The following PIGL variants were observed in gnomAD, a reference collection of about 807,000 sequenced individuals.
The protein encoded by PIGL is phosphatidylinositol glycan anchor biosynthesis class L, also known as N-acetylglucosaminyl-phosphatidylinositol de-N-acetylase.
Under a neutral mutation model 31.1 loss-of-function variants are expected in PIGL, and 22 were observed. The observed-to-expected ratio is 0.71, with a 90% CI of 0.51 to 1.01. The LOEUF (loss-of-function observed/expected upper bound fraction) is 1.01. Among genes scored for constraint, PIGL ranks in the 50% least tolerant of loss-of-function variants. PIGL has a pLI of 0.00. For synonymous variants in PIGL, 131 were observed against 117.4 expected, an observed-to-expected ratio of 1.12 and a Z score of -0.75; for missense variants, 302 against 315.9, an observed-to-expected ratio of 0.96 and a Z score of 0.33.
chr17:16,263,696 T>A (rs1486829002), intron 2 of PIGL, among the ~76,000 whole-genome samples: 1 of 151,654 alleles, frequency 6.6e-6, no homozygotes, highest in Non-Finnish European at 1.5e-5. Flanking sequence ...CTAATTTTTG[T>A]ATTTTTAGTA....
chr17:16,238,343 T>C (rs1450602599), intron 2 of PIGL, among the ~76,000 whole-genome samples: 1 of 151,618 alleles, frequency 6.6e-6, no homozygotes, highest in Non-Finnish European at 1.5e-5. Context: ...TTAAGATAAT[T>C]CAGAAAAAAA....
At chr17:16,267,077 A>G (rs539088834) in intron 2 of PIGL, among the ~76,000 whole-genome samples, 28 of 152,332 alleles carry the variant, frequency 1.8e-4, no homozygotes, top group African/African-American at 6.5e-4. Context: ...CTGAAAATCT[A>G]CATAAAAGAT....
At chr17:16,231,148 G>A (rs1388580868) in intron 1 of PIGL, among the ~76,000 whole-genome samples, 4 of 143,376 alleles carry the variant, frequency 2.8e-5, no homozygotes, top group African/African-American at 1.0e-4. Context: ...GCCTTAAACA[G>A]TGTGCCCGCC....
At chr17:16,256,705 G>T (rs1174243954) in intron 2 of PIGL, among the ~76,000 whole-genome samples, 3 of 151,356 alleles carry the variant, frequency 2.0e-5, no homozygotes, top group Admixed American at 1.3e-4. Context: ...GTGTTTGTTT[G>T]TTTGTTTGTT....
chr17:16,253,420 G>T (rs1036754804), intron 2 of PIGL, among the ~76,000 whole-genome samples: 8 of 152,156 alleles, frequency 5.3e-5, no homozygotes, highest in Admixed American at 2.0e-4. Context: ...TATAGTTGAG[G>T]TGATGGATAT....
At chr17:16,293,905 A>G (rs549519099) in intron 2 of PIGL, among the ~76,000 whole-genome samples, 1 of 152,264 alleles carries the variant, frequency 6.6e-6, no homozygotes, top group East Asian at 1.9e-4. Flanking sequence ...GAGTTCAGTG[A>G]AGGTTTCTAA....
intron 2 of PIGL, among the ~76,000 whole-genome samples, chr17:16,266,775 T>G (rs1241148119): frequency 1.3e-5 from 2 of 151,902 alleles, no homozygotes; most frequent in African/African-American, 4.8e-5. Flanking sequence ...TTTTTTGTAT[T>G]TTTAGTAGAG....
chr17:16,271,681 A>G (rs1362495021), intron 2 of PIGL, among the ~76,000 whole-genome samples: 2 of 151,848 alleles, frequency 1.3e-5, no homozygotes, highest in Admixed American at 6.6e-5. Context: ...ACAGGCGCAC[A>G]CCACCACACC....
intron 1 of PIGL, among the ~76,000 whole-genome samples, chr17:16,224,300 A>G (rs2092642106): frequency 6.6e-6 from 1 of 151,604 alleles, no homozygotes; most frequent in Non-Finnish European, 1.5e-5. Flanking sequence ...TCTTCAGGGT[A>G]TGTTTGCTGT....
chr17:16,222,510 G>A (rs1359441898), intron 1 of PIGL, among the ~76,000 whole-genome samples: 1 of 151,224 alleles, frequency 6.6e-6, no homozygotes. Context: ...ACAAGTATGG[G>A]AACTGAATCA....
intron 2 of PIGL, among the ~76,000 whole-genome samples, chr17:16,256,512 C>T (rs993448784): frequency 4.6e-5 from 7 of 151,724 alleles, no homozygotes; most frequent in South Asian, 2.1e-4. Context: ...CCACCACGCC[C>T]GGCTAATTGT....
intron 1 of PIGL, among the ~76,000 whole-genome samples, chr17:16,227,450 A>C (rs959199318): frequency 1.3e-5 from 2 of 152,154 alleles, no homozygotes; most frequent in African/African-American, 4.8e-5. Context: ...ATATGAATGC[A>C]ATCCTTTTGG....
Position 16,313,728 on chromosome 17 carries a change from C to A in PIGL, c.494+114C>A. On this transcript the variant is annotated intron_variant, in intron 4 of 6. Transcript: ENST00000225609. ...TTATCTGAGCCCATGAAACTCACTG[C>A]TGGCTTATCTTCTAGCCCTTTTTGG... 3.6e-6 allele frequency: 3 copies of A among 837,926 alleles called. No homozygotes were observed. The South Asian group carries it at 4.2e-5, about 12-fold the overall frequency. 51.9% of individuals were successfully genotyped at this position (837,926 alleles called of 1,614,324 possible). A position where few individuals can be genotyped will look rare whatever the true frequency, so the allele number is the denominator to read the frequency against.
At chr17:16,305,113 A>G (rs1264232654) in intron 3 of PIGL, among the ~76,000 whole-genome samples, 1 of 152,030 alleles carries the variant, frequency 6.6e-6, no homozygotes, top group East Asian at 1.9e-4. Context: ...CTGCCTCTAC[A>G]AAAAAATTTA....
chr17:16,256,508 C>T (rs1428633861), intron 2 of PIGL, among the ~76,000 whole-genome samples: 4 of 152,034 alleles, frequency 2.6e-5, no homozygotes, highest in African/African-American at 9.7e-5. Flanking sequence ...CATGCCACCA[C>T]GCCCGGCTAA....
At chr17:16,237,805 C>CAAAAAAAA (rs57265734) in intron 2 of PIGL, among the ~76,000 whole-genome samples, 7 of 101,752 alleles carry the variant, frequency 6.9e-5, no homozygotes, top group African/African-American at 1.4e-4. Context: ...GTCTCAAAAG[C>CAAAAAAAA]AAAAAAAAAA....
At chr17:16,316,552 A>G in intron 4 of PIGL, 129 bp from the exon 5 acceptor site, 1 of 896,700 alleles carries the variant, frequency 1.1e-6, no homozygotes, top group Non-Finnish European at 1.7e-6. Context: ...GATTTATGCA[A>G]AAGAAACCAC....
intron 1 of PIGL, among the ~76,000 whole-genome samples, chr17:16,226,023 T>C (rs2092650665): frequency 6.6e-6 from 1 of 150,442 alleles, no homozygotes; most frequent in East Asian, 1.9e-4. Context: ...AAAAAAAAGT[T>C]AGCCAGGCTT....
At chr17:16,226,352 C>T (rs944208598) in intron 1 of PIGL, among the ~76,000 whole-genome samples, 3 of 152,144 alleles carry the variant, frequency 2.0e-5, no homozygotes, top group African/African-American at 7.2e-5. Context: ...GCCAGAACAT[C>T]CACATATGGT....
Sources: allele counts gnomAD v4.1 joint callset (sites outside exome capture counted in the v4.1 genomes callset), GRCh38; gene constraint gnomAD v4.1.1; transcripts MANE v1.5; gene names NCBI Gene and HGNC (gene_info 2026-07-23, HGNC 2026-07-21).